MCFD2: variants seen among roughly 807,000 people sequenced by gnomAD.
MCFD2 encodes multiple coagulation factor deficiency 2, ER cargo receptor complex subunit.
A neutral mutation model predicts 12.8 loss-of-function variants in MCFD2; 11 were observed. The observed-to-expected ratio is 0.86, with a 90% confidence interval of 0.54 to 1.42. The LOEUF (loss-of-function observed/expected upper bound fraction) is 1.42, where lower values mean the gene tolerates loss of function less well. MCFD2 is among the 40% of genes most tolerant of loss of function. The probability of loss-of-function intolerance (pLI) is 0.00; values close to 1 mark genes in which losing one functional copy is unlikely to be tolerated. For synonymous variants in MCFD2, 70 were observed against 68.1 expected, an observed-to-expected ratio of 1.03 and a Z score of -0.14; for missense variants, 191 against 178.6, an observed-to-expected ratio of 1.07 and a Z score of -0.40.
At position 46,907,652 on chromosome 2, in the gene MCFD2, C is replaced by A; in HGVS notation, c.309+158G>T. ...GCTCAAGTGATCCTTCCACTTTGGCCTCCCAAAGTGCTGGGATTACAGATG... is the reference window on the plus strand; with the variant it reads ...GCTCAAGTGATCCTTCCACTTTGGCATCCCAAAGTGCTGGGATTACAGATG... On this transcript the variant is annotated intron_variant, in intron 3 of 3. Coordinates refer to ENST00000319466, the MANE Select transcript of MCFD2 (RefSeq NM_139279.6). This position sits in a 1 kb window ranked among gnomAD's most constrained non-coding sequence, Gnocchi z 4.1. 1.3e-6 allele frequency: 1 copy of A among 793,326 alleles called. No homozygotes were observed. The highest frequency in any genetic ancestry group is 2.1e-6 in the Non-Finnish European group (1 of 475,378). 49.1% of individuals were successfully genotyped at this position (793,326 alleles called of 1,614,324 possible). A position where few individuals can be genotyped will look rare whatever the true frequency, so the allele number is the denominator to read the frequency against.
At chr2:46,919,359 C>T (rs1196516359), upstream of MCFD2, among the ~76,000 whole-genome samples, 1 of 152,114 alleles carries the variant, frequency 6.6e-6, no homozygotes, top group Non-Finnish European at 1.5e-5. Flanking sequence ...CATGGTGAAA[C>T]CCTGTCTCTA....
At chr2:46,933,758 A>G (rs73926969) in intron 1 of MCFD2, among the ~76,000 whole-genome samples, 1,802 of 152,362 alleles carry the variant, frequency 0.012, 40 homozygotes, top group African/African-American at 0.04. Flanking sequence ...AGTGGCTGAA[A>G]TGACTGTTGA....
chr2:46,939,522 T>G (rs1256476554), intron 1 of MCFD2, among the ~76,000 whole-genome samples: 1 of 152,278 alleles, frequency 6.6e-6, no homozygotes, highest in East Asian at 1.9e-4. Flanking sequence ...GGTGACCCCC[T>G]TAAAGCAACA....
Position 46,937,093 on chromosome 2 carries a change from T to TGATCTGCCCACAAGCA in MCFD2, c.-8+4478_-8+4479insTGCTTGTGGGCAGATC, listed in dbSNP as rs988375427. ...CTCGTCTCGAACTCCTGAGCTCAAGTGATCTGCCCACCTTGGCCTCCCAAA... is the reference window on the plus strand; with the variant it reads ...CTCGTCTCGAACTCCTGAGCTCAAGTGATCTGCCCACAAGCAGATCTGCCCACCTTGGCCTCCCAAA... On this transcript the variant is annotated intron_variant, in intron 1 of 2. Coordinates refer to the MCFD2 transcript ENST00000409147. The surrounding 1 kb of genome is among the most constrained non-coding windows in gnomAD (Gnocchi z 4.0). Among the ~76,000 whole-genome samples, 4 of 152,106 alleles carry TGATCTGCCCACAAGCA rather than the reference T, an allele frequency of 2.6e-5. No individual in the cohort carries two copies. Among genetic ancestry groups the TGATCTGCCCACAAGCA allele is most frequent in the African/African-American group, 9.7e-5 (4 of 41,432 alleles).
chr2:46,908,111 A>T lies in MCFD2; in HGVS notation c.150-142T>A. Reference sequence around the variant, plus strand: ...CAGCAGTGGCAGACCACACTCAAGGATTACACAGAGATAGACAAGGCCTTG... The same window carrying T: ...CAGCAGTGGCAGACCACACTCAAGGTTTACACAGAGATAGACAAGGCCTTG... On this transcript the variant is annotated intron_variant, in intron 2 of 3. Transcript: ENST00000319466. This position sits in a 1 kb window ranked among gnomAD's most constrained non-coding sequence, Gnocchi z 4.5. 1.2e-6 allele frequency: 1 copy of T among 857,446 alleles called. No homozygotes were observed. The highest frequency in any genetic ancestry group is 1.9e-6 in the Non-Finnish European group (1 of 528,862). 53.1% of individuals were successfully genotyped at this position (857,446 alleles called of 1,614,324 possible).
intron 1 of MCFD2, among the ~76,000 whole-genome samples, chr2:46,928,480 A>C (rs1460014378): frequency 1.4e-5 from 2 of 145,726 alleles, no homozygotes; most frequent in Admixed American, 6.9e-5. Context: ...AAAAAAAAAA[A>C]AAAAACTTGG....
At chr2:46,924,291 G>A (rs1039994174) in intron 1 of MCFD2, among the ~76,000 whole-genome samples, 2 of 150,954 alleles carry the variant, frequency 1.3e-5, no homozygotes, top group Middle Eastern at 3.3e-3. Context: ...AACCCCCCAG[G>A]GAAGCCTTGG....
At chr2:46,910,552 G>T (rs1296216871) in intron 1 of MCFD2, among the ~76,000 whole-genome samples, 3 of 152,180 alleles carry the variant, frequency 2.0e-5, no homozygotes, top group African/African-American at 7.2e-5. Flanking sequence ...AGCTGTCTTT[G>T]TGCCTGGGGC....
At position 46,909,127 on chromosome 2, in the gene MCFD2, C is replaced by T; in HGVS notation, c.45G>A (p.Leu15=). The T allele has an allele frequency of 1.2e-6, 2 of 1,614,210 alleles. No homozygotes were observed. Among genetic ancestry groups the T allele is most frequent in the Non-Finnish European group, 1.7e-6 (2 of 1,180,032 alleles). ...CGCCTGGGGCACAAAAGGCCCAGAG[C>T]AGGCCACACAGGAAGGGGGTTCTGA... ...SLLRTPFLCG[L]LWAFCAPGAR... is the part of the protein sequence containing the mutation. Residue 15 remains leucine (L), a synonymous_variant, in exon 2 of 4, where the codon CTG becomes CTA. Coordinates refer to ENST00000319466, the MANE Select transcript of MCFD2 (RefSeq NM_139279.6).
chr2:46,911,812 G>C (rs998665231), intron 1 of MCFD2, among the ~76,000 whole-genome samples: 1 of 152,068 alleles, frequency 6.6e-6, no homozygotes, highest in Non-Finnish European at 1.5e-5. Flanking sequence ...TGTAGTCCCA[G>C]CTACTTGGGA....
intron 1 of MCFD2, among the ~76,000 whole-genome samples, chr2:46,935,443 A>G (rs1368293598): frequency 3.3e-5 from 5 of 152,180 alleles, no homozygotes; most frequent in African/African-American, 9.6e-5. Context: ...AACAGACCCC[A>G]ACACTTCATA....
upstream of MCFD2, among the ~76,000 whole-genome samples, chr2:46,918,186 G>A (rs1469835615): frequency 2.0e-5 from 3 of 151,926 alleles, no homozygotes; most frequent in Non-Finnish European, 2.9e-5. Context: ...CCCCAAACCT[G>A]CACCTCTCTC....
intron 3 of MCFD2, among the ~76,000 whole-genome samples, chr2:46,906,475 A>ATTTT (rs70940646): frequency 5.5e-5 from 5 of 91,700 alleles, no homozygotes; most frequent in Admixed American, 1.2e-4. Flanking sequence ...AGGCACGAGG[A>ATTTT]TTTTTTTTTT....
At chr2:46,910,193 C>T (rs545333248) in intron 1 of MCFD2, among the ~76,000 whole-genome samples, 1 of 152,308 alleles carries the variant, frequency 6.6e-6, no homozygotes, top group Admixed American at 6.5e-5. Context: ...ACAGAGCAAG[C>T]TCTTGGAGGG....
intron 1 of MCFD2, 107 bp downstream of exon 1, chr2:46,915,616 C>G: frequency 3.6e-6 from 1 of 279,774 alleles, no homozygotes; most frequent in Non-Finnish European, 5.4e-6. Context: ...GGGGGCCCAG[C>G]CCGCGCCCCC....
At chr2:46,933,182 A>G (rs946894771) in intron 1 of MCFD2, among the ~76,000 whole-genome samples, 2 of 152,202 alleles carry the variant, frequency 1.3e-5, no homozygotes, top group African/African-American at 2.4e-5. Context: ...GCAAAATGAC[A>G]TAGAAGCCAC....
At chr2:46,929,970 A>G (rs1290360062) in intron 1 of MCFD2, among the ~76,000 whole-genome samples, 1 of 152,214 alleles carries the variant, frequency 6.6e-6, no homozygotes, top group Admixed American at 6.5e-5. Flanking sequence ...TGAGCCCCAG[A>G]GTGAAGAAAT....
chr2:46,938,389 A>C (rs987580762), intron 1 of MCFD2, among the ~76,000 whole-genome samples: 2 of 152,102 alleles, frequency 1.3e-5, no homozygotes, highest in Non-Finnish European at 2.9e-5. Context: ...CCTATCTAAT[A>C]ATCCTCAACA....
upstream of MCFD2, chr2:46,915,806 G>GGGGGGGGGGGGGGGCCCCCCCCC: frequency 2.0e-6 from 1 of 512,582 alleles, no homozygotes; most frequent in Non-Finnish European, 2.1e-6. Flanking sequence ...CCTCGGCTTC[G>GGGGGGGGGGGGGGGCCCCCCCCC]CCCCGCCCCC....
Sources: allele counts gnomAD v4.1 joint callset (sites outside exome capture counted in the v4.1 genomes callset), GRCh38; gene constraint gnomAD v4.1.1; non-coding constraint Gnocchi (gnomAD v3.1); transcripts MANE v1.5; gene names NCBI Gene and HGNC (gene_info 2026-07-23, HGNC 2026-07-21).